OLR1: variants seen among roughly 807,000 people sequenced by gnomAD.
OLR1 encodes oxidized low-density lipoprotein receptor 1.
OLR1 carries 23 observed loss-of-function variants against 31.7 expected under a neutral mutation model. That is an observed-to-expected ratio of 0.72 (90% CI 0.52 to 1.03). The LOEUF (loss-of-function observed/expected upper bound fraction) is 1.03. Among genes scored for constraint, OLR1 ranks in the 50% least tolerant of loss-of-function variants. OLR1 has a pLI of 0.00. For missense variants in OLR1, 286 were observed against 315.7 expected, an observed-to-expected ratio of 0.91 and a Z score of 0.71; for synonymous variants, 117 against 115.8, an observed-to-expected ratio of 1.01 and a Z score of -0.07.
At chr12:10,165,485 C>A (rs561516848) in intron 3 of OLR1, among the ~76,000 whole-genome samples, 1 of 151,824 alleles carries the variant, frequency 6.6e-6, no homozygotes, top group South Asian at 2.1e-4. Flanking sequence ...GAAATAATGC[C>A]ACAGAGTGAG....
intron 3 of OLR1, among the ~76,000 whole-genome samples, chr12:10,162,157 C>T (rs1246950960): frequency 6.6e-6 from 1 of 152,026 alleles, no homozygotes; most frequent in African/African-American, 2.4e-5. Context: ...TTCAGGAACC[C>T]TCAAATCATC....
chr12:10,160,790 T>C lies in OLR1; in HGVS notation c.560A>G (p.Asp187Gly). ...CAAATATCCATGAACACTCACCAGATCAGCTGTGCTATTAATTTTCAGCAA... is the reference window on the plus strand; with the variant it reads ...CAAATATCCATGAACACTCACCAGACCAGCTGTGCTATTAATTTTCAGCAA... ...AKLLKINSTADLDFIQQAISY... is the reference protein window; with the variant it reads ...AKLLKINSTAGLDFIQQAISY... The change falls in exon 4 of 6, where the codon GAT becomes GGT. Residue 187 changes from aspartate to glycine, a missense_variant. By Grantham distance (94) the Asp-to-Gly change is moderately conservative (BLOSUM62 -1). Coordinates refer to ENST00000309539, the MANE Select transcript of OLR1 (RefSeq NM_002543.4). 1 of 1,614,084 alleles carries C rather than the reference T, an allele frequency of 6.2e-7. No homozygotes were observed. The highest frequency in any genetic ancestry group is 8.5e-7 in the Non-Finnish European group (1 of 1,179,930).
Position 10,166,699 on chromosome 12 carries a change from C to T in OLR1, c.424+13G>A. 1.2e-6 allele frequency: 2 copies of T among 1,613,742 alleles called. No homozygotes were observed. Among genetic ancestry groups the T allele is most frequent in the Non-Finnish European group, 1.7e-6 (2 of 1,179,794 alleles). On this transcript the variant is annotated intron_variant, in intron 3 of 5. Coordinates refer to ENST00000309539, the MANE Select transcript of OLR1 (RefSeq NM_002543.4). ...CTTCCACTATGTCTCCTTACCCACCCTTCTCCCAATACCTGAACAATTTGC... is the reference window on the plus strand; with the variant it reads ...CTTCCACTATGTCTCCTTACCCACCTTTCTCCCAATACCTGAACAATTTGC...
chr12:10,166,573 T>G, intron 3 of OLR1, 139 bp downstream of exon 3: 1 of 841,952 alleles, frequency 1.2e-6, no homozygotes, highest in Non-Finnish European at 1.9e-6. Flanking sequence ...AATTGAGAAC[T>G]TCTTGTATAG....
In OLR1 at chr12:10,171,152, C is replaced by A. The variant is rs979923568; in HGVS notation, c.76+850G>T. Among the ~76,000 whole-genome samples, 4 of 152,198 alleles carry A rather than the reference C, an allele frequency of 2.6e-5. No homozygotes were observed. In the South Asian group the frequency reaches 8.3e-4, roughly 32 times the overall value. On this transcript the variant is annotated intron_variant, in intron 1 of 5. Coordinates refer to ENST00000309539, the MANE Select transcript of OLR1 (RefSeq NM_002543.4). ...TTTATAGCAATTTAGTTCATTGGCT[C>A]AAATGTTAAATCACTCCATGCTCAC...
chr12:10,161,148 T>C (rs950622824), intron 3 of OLR1, among the ~76,000 whole-genome samples: 3 of 152,288 alleles, frequency 2.0e-5, no homozygotes, highest in African/African-American at 7.2e-5. Flanking sequence ...CCCACACTAC[T>C]TCTTAAGTAA....
chr12:10,160,770 A>G lies in OLR1; in HGVS notation c.564+16T>C. 6.2e-7 allele frequency: 1 copy of G among 1,610,430 alleles called. No homozygotes were observed. The highest frequency in any genetic ancestry group is 8.5e-7 in the Non-Finnish European group (1 of 1,176,890). ...CAACCAATACTCCACCCCAACAAAT[A>G]TCCATGAACACTCACCAGATCAGCT... On this transcript the variant is annotated intron_variant, in intron 4 of 5. Transcript: ENST00000309539.
At chr12:10,160,624 G>C in intron 4 of OLR1, 162 bp from the exon 5 acceptor site, 1 of 1,003,644 alleles carries the variant, frequency 1.0e-6, no homozygotes, top group Non-Finnish European at 1.5e-6. Flanking sequence ...AGATACTACA[G>C]AGCCTGTCCG....
At chr12:10,166,389 G>A (rs1212159216) in intron 3 of OLR1, among the ~76,000 whole-genome samples, 20 of 151,582 alleles carry the variant, frequency 1.3e-4, no homozygotes, top group Admixed American at 2.6e-4. Context: ...TTAGCTGGGC[G>A]TGGTGATGGG....
At chr12:10,171,724 C>G (rs1948719895) in intron 1 of OLR1, among the ~76,000 whole-genome samples, 1 of 152,120 alleles carries the variant, frequency 6.6e-6, no homozygotes, top group South Asian at 2.1e-4. Flanking sequence ...GTAATAGTAC[C>G]AATCTCAAAA....
At chr12:10,169,345 T>C (rs2137521321) in intron 1 of OLR1, among the ~76,000 whole-genome samples, 170 bp from the exon 2 acceptor site, 1 of 152,314 alleles carries the variant, frequency 6.6e-6, no homozygotes, top group South Asian at 2.1e-4. Flanking sequence ...CTGCAAATAA[T>C]TCATCATACA....
At chr12:10,160,749 C>T in intron 4 of OLR1, 37 bp downstream of exon 4, 1 of 1,604,422 alleles carries the variant, frequency 6.2e-7, no homozygotes, top group Non-Finnish European at 8.5e-7. Context: ...CCCTATCAAC[C>T]AATACTCCAC....
chr12:10,163,089 A>C (rs1272833233), intron 3 of OLR1, among the ~76,000 whole-genome samples: 3 of 152,168 alleles, frequency 2.0e-5, no homozygotes, highest in African/African-American at 7.2e-5. Context: ...AATATCACTC[A>C]CTATGTGCCA....
Position 10,159,544 on chromosome 12 carries a change from T to C in OLR1, c.*336A>G, listed in dbSNP as rs190216641. On this transcript the variant is annotated 3_prime_UTR_variant, in exon 6 of 6. Transcript: ENST00000309539. Reference sequence around the variant, plus strand: ...TCTGTCTTTCATGCAATTTTAGGAGTGTGAGGGGAAGGTGATAATGAGGTA... The same window carrying C: ...TCTGTCTTTCATGCAATTTTAGGAGCGTGAGGGGAAGGTGATAATGAGGTA... 7.4e-5 allele frequency: 13 copies of C among 176,556 alleles called. No individual in the cohort carries two copies. The East Asian group carries it at 1.5e-3, about 20-fold the overall frequency. The allele number at this position is 176,556 out of a possible 1,614,324, so 10.9% of individuals were successfully genotyped here.
In OLR1 at chr12:10,159,816, A is replaced by G. The variant is rs1948604517; in HGVS notation, c.*64T>C. On this transcript the variant is annotated 3_prime_UTR_variant, in exon 6 of 6. Coordinates refer to ENST00000309539, the MANE Select transcript of OLR1 (RefSeq NM_002543.4). Reference sequence around the variant, plus strand: ...CTCATGTTTGGCACCCAAGTGACAAAGAATAGCTTAAATTCCAGAATAAAA... The same window carrying G: ...CTCATGTTTGGCACCCAAGTGACAAGGAATAGCTTAAATTCCAGAATAAAA... 2.0e-6 allele frequency: 3 copies of G among 1,500,830 alleles called. No homozygotes were observed. Among genetic ancestry groups the G allele is most frequent in the Non-Finnish European group, 2.7e-6 (3 of 1,114,650 alleles). The allele number at this position is 1,500,830 out of a possible 1,614,324, so 93.0% of individuals were successfully genotyped here.
Position 10,164,143 on chromosome 12 carries a change from A to G in OLR1, c.424+2569T>C, listed in dbSNP as rs1322596317. The stretch of plus-strand genomic sequence containing the variant: ...CCTGATGTAGATTTAATCCCATACA[A>G]CTGATAAAGACAAAATTCTCTTCTG... On this transcript the variant is annotated intron_variant, in intron 3 of 5. Coordinates refer to ENST00000309539, the MANE Select transcript of OLR1 (RefSeq NM_002543.4). Among the ~76,000 whole-genome samples the G allele has an allele frequency of 2.6e-5, 4 of 152,190 alleles. No individual in the cohort carries two copies. In the East Asian group the frequency reaches 7.7e-4, roughly 29 times the overall value.
upstream of OLR1, among the ~76,000 whole-genome samples, chr12:10,172,762 A>G (rs1426861345): frequency 6.6e-6 from 1 of 152,208 alleles, no homozygotes; most frequent in Non-Finnish European, 1.5e-5. Context: ...ATCTTGGGAA[A>G]TCTTAATACT....
At position 10,160,010 on chromosome 12, in the gene OLR1, C is replaced by T. The variant is rs986422401; in HGVS notation, c.692G>A (p.Arg231Gln). ...SPLMPHLFRV[R>Q]GAVSQTYPSG... ...AGGGTATGTCTGGGAGACAGCGCCT[C>T]GGACTCTAAATCTGCAGGTAGGAAA... Residue 231 changes from arginine (R) to glutamine (Q), a missense_variant, in exon 6 of 6, where the codon CGA (arginine) becomes CAA (glutamine). Coordinates refer to ENST00000309539, the MANE Select transcript of OLR1 (RefSeq NM_002543.4). 7 of 1,604,192 alleles carry T rather than the reference C, an allele frequency of 4.4e-6. No individual in the cohort carries two copies. In the Admixed American group the frequency reaches 8.5e-5, roughly 20 times the overall value.
In OLR1 at chr12:10,159,944, G is replaced by A. The variant is rs374494106; in HGVS notation, c.758C>T (p.Ala253Val). The stretch of plus-strand genomic sequence containing the variant: ...GAAGGCAGCTAAAATGCAGTTTTCC[G>A]CATAAACAGCTCCTCGTTGTATATA... ...CAYIQRGAVY[A>V]ENCILAAFSI... Residue 253 changes from alanine (A) to valine (V), a missense_variant, in exon 6 of 6, where the codon GCG (alanine) becomes GTG (valine). Ala to Val is a moderately conservative substitution (Grantham distance 64). Coordinates refer to ENST00000309539, the MANE Select transcript of OLR1 (RefSeq NM_002543.4). 1.7e-5 allele frequency: 28 copies of A among 1,613,696 alleles called. No homozygotes were observed. Among genetic ancestry groups the A allele is most frequent in the African/African-American group, 2.7e-5 (2 of 74,892 alleles).
Sources: gnomAD v4.1 joint callset for allele counts (sites outside exome capture counted in the v4.1 genomes callset) on GRCh38, gnomAD v4.1.1 for gene constraint, MANE v1.5 for transcripts, NCBI Gene and HGNC (gene_info 2026-07-23, HGNC 2026-07-21) for gene names.